The following UNC5C variants were observed in gnomAD, a reference collection of about 807,000 sequenced individuals.
UNC5C encodes the protein netrin receptor UNC5C.
A neutral mutation model predicts 99.8 loss-of-function variants in UNC5C; 47 were observed. The ratio of observed to expected loss-of-function variants is 0.47; its 90% confidence interval spans 0.37 to 0.60. The LOEUF is 0.60. Among genes scored for constraint, UNC5C ranks in the 20% least tolerant of loss-of-function variants. UNC5C has a pLI of 0.00. For missense variants in UNC5C, 1,062 were observed against 1,165.9 expected (o/e 0.91, Z 1.30); for synonymous variants, 487 against 452.2 (o/e 1.08, Z -0.98).
At chr4:95,409,742 C>T (rs1475895388) in intron 1 of UNC5C, among the ~76,000 whole-genome samples, 1 of 152,196 alleles carries the variant, frequency 6.6e-6, no homozygotes, top group Non-Finnish European at 1.5e-5. Flanking sequence ...CCACCATTCC[C>T]TATCTCAGTC....
intron 11 of UNC5C, among the ~76,000 whole-genome samples, chr4:95,204,492 G>C (rs1207296162): frequency 6.6e-6 from 1 of 152,234 alleles, no homozygotes; most frequent in Non-Finnish European, 1.5e-5. Context: ...GCCTACGGTT[G>C]CTATGCAGGA....
intron 2 of UNC5C, among the ~76,000 whole-genome samples, chr4:95,324,597 C>G (rs6857369): frequency 0.16 from 23,650 of 152,130 alleles, 2,285 homozygotes; most frequent in African/African-American, 0.27. Flanking sequence ...TTGCTATGGT[C>G]TCATTCATAT....
At chr4:95,207,198 T>C (rs529625853) in intron 10 of UNC5C, among the ~76,000 whole-genome samples, 5 of 152,282 alleles carry the variant, frequency 3.3e-5, no homozygotes, top group African/African-American at 7.2e-5. Context: ...TTAAATACTT[T>C]TGTGGTTTCA....
chr4:95,304,761 T>A (rs1410064672), intron 2 of UNC5C, among the ~76,000 whole-genome samples: 1 of 152,226 alleles, frequency 6.6e-6, no homozygotes, highest in East Asian at 1.9e-4. Flanking sequence ...ATAATGGTTC[T>A]TTATACGATG....
At position 95,480,665 on chromosome 4, in the gene UNC5C, C is replaced by T. The variant is rs557322610; in HGVS notation, c.124+68069G>A. 3.1e-3 allele frequency among the ~76,000 whole-genome samples: 469 copies of T among 152,116 alleles called. 11 individuals carry two copies. The highest frequency in any genetic ancestry group is 0.028 in the Admixed American group (428 of 15,256). On this transcript the variant is annotated intron_variant, in intron 1 of 15. Coordinates refer to ENST00000453304, the MANE Select transcript of UNC5C (RefSeq NM_003728.4). ...CATCAAAAAGCTTATCCACCATGATCAAGTGGGCTTCATCCCTGGGATGCA... is the reference window on the plus strand; with the variant it reads ...CATCAAAAAGCTTATCCACCATGATTAAGTGGGCTTCATCCCTGGGATGCA...
chr4:95,203,676 C>T (rs904819030), intron 11 of UNC5C, among the ~76,000 whole-genome samples: 3 of 152,096 alleles, frequency 2.0e-5, no homozygotes, highest in Admixed American at 6.6e-5. Flanking sequence ...TGTTGCCAGG[C>T]TGGCCTCAAA....
At position 95,242,342 on chromosome 4, in the gene UNC5C, T is replaced by A. The variant is rs1197645317; in HGVS notation, c.1108+87A>T. 3.9e-6 allele frequency: 6 copies of A among 1,523,010 alleles called. No individual in the cohort carries two copies. In the East Asian group the frequency reaches 1.2e-4, roughly 30 times the overall value. The allele number at this position is 1,523,010 out of a possible 1,614,324, so 94.3% of individuals were successfully genotyped here. A position where few individuals can be genotyped will look rare whatever the true frequency, so the allele number is the denominator to read the frequency against. On this transcript the variant is annotated intron_variant, in intron 7 of 15. Coordinates refer to ENST00000453304, the MANE Select transcript of UNC5C (RefSeq NM_003728.4). ...TGCATTTTATTGTTGTTGAAAGAAT[T>A]CTTTATTTCTAATGTTTCCTTAAAA...
chr4:95,441,784 C>T (rs186131171), intron 1 of UNC5C, among the ~76,000 whole-genome samples: 62 of 152,284 alleles, frequency 4.1e-4, no homozygotes, highest in African/African-American at 1.4e-3. Flanking sequence ...ATGTGACTTA[C>T]CTAACTAAGG....
intron 1 of UNC5C, among the ~76,000 whole-genome samples, chr4:95,347,501 C>G (rs1743820460): frequency 6.6e-6 from 1 of 152,020 alleles, no homozygotes; most frequent in South Asian, 2.1e-4. Flanking sequence ...TACCTGATTT[C>G]AAATTATACT....
At chr4:95,353,195 C>A (rs924842949) in intron 1 of UNC5C, among the ~76,000 whole-genome samples, 1 of 152,074 alleles carries the variant, frequency 6.6e-6, no homozygotes, top group Admixed American at 6.6e-5. Context: ...TGCTTTAATG[C>A]AATTTGGGGG....
At chr4:95,361,295 T>C (rs1744383190) in intron 1 of UNC5C, among the ~76,000 whole-genome samples, 1 of 152,210 alleles carries the variant, frequency 6.6e-6, no homozygotes, top group African/African-American at 2.4e-5. Flanking sequence ...ACTCTGTTTT[T>C]CTTCAAATCT....
intron 2 of UNC5C, among the ~76,000 whole-genome samples, chr4:95,316,158 G>T (rs1404063748): frequency 6.6e-6 from 1 of 152,094 alleles, no homozygotes; most frequent in Non-Finnish European, 1.5e-5. Context: ...AAGATAGCAT[G>T]ACCTACTATA....
At chr4:95,492,956 A>G (rs2149481929) in intron 1 of UNC5C, among the ~76,000 whole-genome samples, 1 of 151,608 alleles carries the variant, frequency 6.6e-6, no homozygotes, top group South Asian at 2.1e-4. Context: ...AAATTTATAG[A>G]CAATTCTGAT....
intron 1 of UNC5C, among the ~76,000 whole-genome samples, chr4:95,524,656 A>G (rs1578208923): frequency 6.6e-6 from 1 of 152,262 alleles, no homozygotes; most frequent in East Asian, 1.9e-4. Context: ...AATCTGTTGT[A>G]CTACATTCAG....
chr4:95,202,150 G>T (rs985156575), intron 12 of UNC5C, among the ~76,000 whole-genome samples: 17 of 152,016 alleles, frequency 1.1e-4, no homozygotes, highest in African/African-American at 4.1e-4. Context: ...CCTCAACCTT[G>T]GCATACTTCT....
chr4:95,345,606 C>T (rs1250926985), intron 1 of UNC5C, among the ~76,000 whole-genome samples: 1 of 151,762 alleles, frequency 6.6e-6, no homozygotes, highest in Non-Finnish European at 1.5e-5. Flanking sequence ...ATGTGTTATG[C>T]CACAAAATAA....
chr4:95,525,435 T>C (rs1722472582), intron 1 of UNC5C, among the ~76,000 whole-genome samples: 1 of 152,026 alleles, frequency 6.6e-6, no homozygotes, highest in African/African-American at 2.4e-5. Context: ...GCTGGTGTTT[T>C]TCATTCTAGA....
intron 1 of UNC5C, among the ~76,000 whole-genome samples, chr4:95,548,216 T>G (rs1237399798): frequency 6.6e-6 from 1 of 152,116 alleles, no homozygotes; most frequent in East Asian, 1.9e-4. Context: ...TCCTTGACAG[T>G]AATGGACACA....
intron 7 of UNC5C, among the ~76,000 whole-genome samples, chr4:95,225,119 C>T (rs939734936): frequency 3.9e-5 from 6 of 152,118 alleles, no homozygotes; most frequent in South Asian, 2.1e-4. Flanking sequence ...TGCAATGGCA[C>T]GATCTCGGCT....
Sources: allele counts gnomAD v4.1 joint callset (sites outside exome capture counted in the v4.1 genomes callset), GRCh38; gene constraint gnomAD v4.1.1; transcripts MANE v1.5; gene names NCBI Gene and HGNC (gene_info 2026-07-23, HGNC 2026-07-21).